Variants in SPATA16 observed in about 807,000 individuals in gnomAD.
SPATA16 encodes the protein spermatogenesis-associated protein 16.
In SPATA16, 36 loss-of-function variants were observed where a neutral mutation model predicts 63.3. That is an observed-to-expected ratio of 0.57 (90% CI 0.44 to 0.75). The LOEUF (loss-of-function observed/expected upper bound fraction) is 0.75. SPATA16 is among the 30% of genes least tolerant of loss of function. The probability of loss-of-function intolerance (pLI) is 0.00; values close to 1 mark genes in which losing one functional copy is unlikely to be tolerated. For missense variants in SPATA16, 646 were observed against 679.3 expected, an observed-to-expected ratio of 0.95 and a Z score of 0.54; for synonymous variants, 203 against 216.7, an observed-to-expected ratio of 0.94 and a Z score of 0.56.
intron 2 of SPATA16, among the ~76,000 whole-genome samples, 200 bp downstream of exon 2, chr3:173,116,920 T>C (rs1409002146): frequency 2.6e-5 from 4 of 152,220 alleles, no homozygotes; most frequent in Non-Finnish European, 5.9e-5. Context: ...ATATATCAAG[T>C]GCACACAGGC....
intron 8 of SPATA16, 106 bp from the exon 9 acceptor site, chr3:172,916,587 T>C: frequency 8.3e-7 from 1 of 1,211,854 alleles, no homozygotes; most frequent in Non-Finnish European, 1.2e-6. Context: ...TCTTTTGAAA[T>C]AACGGAATCT....
At chr3:173,120,711 C>T (rs2108339843) in intron 1 of SPATA16, among the ~76,000 whole-genome samples, 2 of 152,248 alleles carry the variant, frequency 1.3e-5, no homozygotes, top group East Asian at 1.9e-4. Context: ...GCCTCCCTCT[C>T]TCCATTTCCC....
chr3:172,942,153 G>A (rs966806939), intron 6 of SPATA16, among the ~76,000 whole-genome samples: 4 of 152,058 alleles, frequency 2.6e-5, no homozygotes, highest in African/African-American at 4.8e-5. Flanking sequence ...CACTATTTAA[G>A]CCTATGGTGA....
At chr3:172,923,451 G>GT (rs1732659484) in intron 8 of SPATA16, among the ~76,000 whole-genome samples, 1 of 152,054 alleles carries the variant, frequency 6.6e-6, no homozygotes, top group Non-Finnish European at 1.5e-5. Context: ...CCCTTTTAAG[G>GT]TAAGAACATC....
At chr3:172,993,635 T>G (rs139750164) in intron 4 of SPATA16, among the ~76,000 whole-genome samples, 1 of 152,294 alleles carries the variant, frequency 6.6e-6, no homozygotes, top group East Asian at 1.9e-4. Context: ...ATAATTACAA[T>G]AAATATTAAA....
At chr3:172,933,718 G>A (rs574916395) in intron 6 of SPATA16, among the ~76,000 whole-genome samples, 1 of 152,282 alleles carries the variant, frequency 6.6e-6, no homozygotes, top group South Asian at 2.1e-4. Flanking sequence ...GTAAATCAGT[G>A]TGTTCCAATG....
chr3:173,084,211 A>G (rs533404527), intron 2 of SPATA16, among the ~76,000 whole-genome samples: 1 of 151,800 alleles, frequency 6.6e-6, no homozygotes, highest in Non-Finnish European at 1.5e-5. Flanking sequence ...AATAATTGTC[A>G]TTCTGTCATG....
intron 10 of SPATA16, among the ~76,000 whole-genome samples, chr3:172,898,334 G>A (rs893689078): frequency 6.6e-6 from 1 of 152,000 alleles, no homozygotes; most frequent in African/African-American, 2.4e-5. Context: ...TTCTTTAAAT[G>A]TGTGGTAGAA....
intron 2 of SPATA16, among the ~76,000 whole-genome samples, chr3:173,099,083 A>G (rs1190782145): frequency 1.3e-5 from 2 of 152,184 alleles, no homozygotes; most frequent in African/African-American, 2.4e-5. Context: ...GATCACCTGA[A>G]GTAGATAATC....
intron 8 of SPATA16, among the ~76,000 whole-genome samples, chr3:172,923,945 T>C (rs1732670264): frequency 6.6e-6 from 1 of 152,210 alleles, no homozygotes; most frequent in Admixed American, 6.5e-5. Context: ...GAATTAGATA[T>C]TAGGAAGGCA....
At chr3:173,063,965 C>T (rs1257455644) in intron 2 of SPATA16, among the ~76,000 whole-genome samples, 1 of 152,134 alleles carries the variant, frequency 6.6e-6, no homozygotes, top group Non-Finnish European at 1.5e-5. Flanking sequence ...AGTGCAGCCA[C>T]TGGGTGGAAG....
At chr3:173,081,396 A>G (rs1309614887) in intron 2 of SPATA16, among the ~76,000 whole-genome samples, 2 of 152,214 alleles carry the variant, frequency 1.3e-5, no homozygotes, top group African/African-American at 4.8e-5. Context: ...GATGCAGATC[A>G]ATAACCCAGA....
At chr3:173,048,846 T>G (rs1736013992) in intron 3 of SPATA16, 103 bp downstream of exon 3, 11 of 1,446,680 alleles carry the variant, frequency 7.6e-6, no homozygotes, top group Admixed American at 1.7e-5. Flanking sequence ...TGTTTGTTTC[T>G]TCTTTAAATT....
intron 2 of SPATA16, among the ~76,000 whole-genome samples, chr3:173,108,325 A>T (rs997909144): frequency 3.2e-4 from 49 of 152,198 alleles, no homozygotes; most frequent in African/African-American, 1.2e-3. Flanking sequence ...ATAAATTTTC[A>T]GAGTAAATTT....
At chr3:173,065,772 G>C (rs1736504661) in intron 2 of SPATA16, among the ~76,000 whole-genome samples, 1 of 152,174 alleles carries the variant, frequency 6.6e-6, no homozygotes, top group African/African-American at 2.4e-5. Context: ...ACAACATAGG[G>C]CAGAAATCTG....
At chr3:173,092,172 G>T (rs1737241534) in intron 2 of SPATA16, among the ~76,000 whole-genome samples, 1 of 152,080 alleles carries the variant, frequency 6.6e-6, no homozygotes, top group Admixed American at 6.6e-5. Context: ...AATATTCTTT[G>T]TGACCCAGGA....
rs190410694 is a variant in SPATA16, at chr3:172,913,825, A to T, written c.1504-81T>A. 5.6e-6 allele frequency: 7 copies of T among 1,245,186 alleles called. No individual in the cohort carries two copies. In the East Asian group the frequency reaches 7.2e-5, roughly 13 times the overall value. 77.1% of individuals were successfully genotyped at this position (1,245,186 alleles called of 1,614,324 possible). A position where few individuals can be genotyped will look rare whatever the true frequency, so the allele number is the denominator to read the frequency against. ...TAAATACACAGATTAAAACCTAATT[A>T]AAAAATCATTTGTACGCTGATGATT... On this transcript the variant is annotated intron_variant, in intron 9 of 10. Coordinates refer to ENST00000351008, the MANE Select transcript of SPATA16 (RefSeq NM_031955.6).
intron 5 of SPATA16, among the ~76,000 whole-genome samples, chr3:172,965,017 T>G (rs906876901): frequency 6.6e-6 from 1 of 152,230 alleles, no homozygotes; most frequent in African/African-American, 2.4e-5. Flanking sequence ...CTATGCAGAC[T>G]TTATTTGGCT....
intron 4 of SPATA16, among the ~76,000 whole-genome samples, chr3:172,985,520 A>G (rs1342307239): frequency 6.6e-6 from 1 of 152,186 alleles, no homozygotes; most frequent in Non-Finnish European, 1.5e-5. Flanking sequence ...CCAAAATATC[A>G]GGCATTTTAT....
Sources: gnomAD v4.1 joint callset for allele counts (sites outside exome capture counted in the v4.1 genomes callset) on GRCh38, gnomAD v4.1.1 for gene constraint, MANE v1.5 for transcripts, NCBI Gene and HGNC (gene_info 2026-07-23, HGNC 2026-07-21) for gene names.